The following MEMO1 variants were observed in gnomAD, a reference collection of about 807,000 sequenced individuals.
MEMO1 encodes protein MEMO1.
Under a neutral mutation model 45.2 loss-of-function variants are expected in MEMO1, and 6 were observed. The observed-to-expected ratio is 0.13, with a 90% CI of 0.07 to 0.26. The LOEUF (loss-of-function observed/expected upper bound fraction) is 0.26. Among genes scored for constraint, MEMO1 ranks in the 10% least tolerant of loss-of-function variants. MEMO1 has a pLI of 1.00. For missense variants in MEMO1, 184 were observed against 370.5 expected (o/e 0.50, Z 4.13); for synonymous variants, 78 against 124.3 (o/e 0.63, Z 2.48).
intron 2 of MEMO1, among the ~76,000 whole-genome samples, chr2:31,990,096 G>A (rs941857224): frequency 3.3e-5 from 5 of 152,160 alleles, no homozygotes; most frequent in Non-Finnish European, 5.9e-5. Context: ...CAGCATGGAC[G>A]ACAGAGCAAG....
chr2:31,933,317 TAAAAAAAAAAA>T (rs34487390), intron 3 of MEMO1, among the ~76,000 whole-genome samples: 9 of 24,110 alleles, frequency 3.7e-4, no homozygotes, highest in South Asian at 2.3e-3. Flanking sequence ...ACCACCTCTT[TAAAAAAAAAAA>T]AAAAAAAAAA....
At position 31,869,891 on chromosome 2, in the gene MEMO1, T is replaced by C. The variant is rs753121617; in HGVS notation, c.719A>G (p.His240Arg). ...GGGATGTCTTCCACATATAGTATTA[T>C]GGTATTTCTTCAAGTAATTGCTAAA... The part of the protein sequence containing the change: ...VSFSNYLKKY[H>R]NTICGRHPIG... The change falls in exon 9 of 10, where the codon CAT becomes CGT. Residue 240 changes from histidine to arginine, a missense_variant. Around this residue, in one of 3 missense-constraint regions of MEMO1, gnomAD observed 97 missense variants for 209.3 expected, o/e 0.46. Transcript: ENST00000404530. 8 of 1,591,788 alleles carry C rather than the reference T, an allele frequency of 5.0e-6. No individual in the cohort carries two copies. Among genetic ancestry groups the C allele is most frequent in the African/African-American group, 2.7e-5 (2 of 73,288 alleles).
intron 2 of MEMO1, among the ~76,000 whole-genome samples, chr2:31,992,427 G>A (rs1672056512): frequency 6.6e-6 from 1 of 152,128 alleles, no homozygotes; most frequent in South Asian, 2.1e-4. Flanking sequence ...AACAAAAGTG[G>A]GTTCATATCT....
chr2:31,957,079 T>C (rs566651695), intron 2 of MEMO1, among the ~76,000 whole-genome samples: 4 of 151,346 alleles, frequency 2.6e-5, no homozygotes, highest in Admixed American at 6.6e-5. Context: ...GAGGTGGAGA[T>C]TGCGGTGAAA....
intron 2 of MEMO1, among the ~76,000 whole-genome samples, chr2:31,952,631 T>A (rs1666964878): frequency 6.6e-6 from 1 of 152,322 alleles, no homozygotes; most frequent in African/African-American, 2.4e-5. Flanking sequence ...CTCTGTCAAA[T>A]GCCACTAAAT....
At chr2:31,888,191 T>C (rs1427085536) in intron 7 of MEMO1, among the ~76,000 whole-genome samples, 1 of 152,108 alleles carries the variant, frequency 6.6e-6, no homozygotes, top group African/African-American at 2.4e-5. Context: ...TTTTGTTTAT[T>C]TTTTGTTAGA....
intron 3 of MEMO1, among the ~76,000 whole-genome samples, chr2:31,940,616 C>T (rs1665498414): frequency 6.6e-6 from 1 of 152,184 alleles, no homozygotes; most frequent in African/African-American, 2.4e-5. Flanking sequence ...CAGACCATAG[C>T]TCACTGTAGC....
intron 2 of MEMO1, among the ~76,000 whole-genome samples, chr2:31,951,797 T>C (rs999981824): frequency 6.6e-6 from 1 of 152,208 alleles, no homozygotes; most frequent in African/African-American, 2.4e-5. Context: ...CCCAAAGTGC[T>C]GGGATTTACA....
At chr2:31,884,914 G>C (rs922202662) in intron 7 of MEMO1, among the ~76,000 whole-genome samples, 1 of 151,354 alleles carries the variant, frequency 6.6e-6, no homozygotes, top group Non-Finnish European at 1.5e-5. Flanking sequence ...TTAGCTATGA[G>C]ATCAACTATA....
chr2:31,991,781 C>T (rs546211132), intron 2 of MEMO1, among the ~76,000 whole-genome samples: 8 of 152,176 alleles, frequency 5.3e-5, no homozygotes, highest in Middle Eastern at 3.4e-3. Flanking sequence ...AGCAACTAAA[C>T]GCTCATACTA....
At chr2:31,959,991 G>A (rs1360295482) in intron 2 of MEMO1, among the ~76,000 whole-genome samples, 2 of 152,128 alleles carry the variant, frequency 1.3e-5, no homozygotes, top group Non-Finnish European at 2.9e-5. Context: ...GGAGTCCCAG[G>A]AGGGCGGATC....
chr2:31,973,407 T>A (rs1246051204), intron 2 of MEMO1, among the ~76,000 whole-genome samples: 1 of 151,226 alleles, frequency 6.6e-6, no homozygotes, highest in Non-Finnish European at 1.5e-5. Flanking sequence ...TGAGCCAAGA[T>A]CATGCCACTG....
intron 2 of MEMO1, among the ~76,000 whole-genome samples, chr2:32,007,984 G>C (rs1433555671): frequency 6.6e-6 from 1 of 152,086 alleles, no homozygotes; most frequent in Non-Finnish European, 1.5e-5. Flanking sequence ...TTAATTTTAA[G>C]GTTCTCTGTG....
chr2:31,947,855 A>C (rs1458619823), intron 2 of MEMO1, among the ~76,000 whole-genome samples: 1 of 152,186 alleles, frequency 6.6e-6, no homozygotes, highest in African/African-American at 2.4e-5. Context: ...TTCCCTTGCA[A>C]CTATTAACAG....
chr2:32,007,549 CT>C (rs1336992861), intron 2 of MEMO1, among the ~76,000 whole-genome samples: 1 of 152,042 alleles, frequency 6.6e-6, no homozygotes, highest in African/African-American at 2.4e-5. Flanking sequence ...TGTACACACA[CT>C]TTTTTTCTGA....
At chr2:31,986,340 C>T (rs1023837030) in intron 2 of MEMO1, among the ~76,000 whole-genome samples, 3 of 151,832 alleles carry the variant, frequency 2.0e-5, no homozygotes, top group African/African-American at 2.4e-5. Context: ...GGCGTGGTGG[C>T]GGGGGCTTGT....
intron 7 of MEMO1, among the ~76,000 whole-genome samples, chr2:31,883,670 T>A (rs1364243015): frequency 6.6e-6 from 1 of 152,138 alleles, no homozygotes; most frequent in Non-Finnish European, 1.5e-5. Flanking sequence ...TGTTTTATGA[T>A]GTTAAGAACT....
rs201840822 is a variant in MEMO1, at chr2:31,971,256, C to CT, written c.62-27874dup. ...CACCCAGAAAAATGTAAGCATAAAC[C>CT]TTTTTTTTTGAAAAAGAGTCTTGCT... is the stretch of plus-strand genomic sequence containing the variant. On this transcript the variant is annotated intron_variant, in intron 2 of 9. Coordinates refer to ENST00000404530, the MANE Select transcript of MEMO1 (RefSeq NM_001301833.4). Among the ~76,000 whole-genome samples, 23 of 151,216 alleles carry CT rather than the reference C, an allele frequency of 1.5e-4. No individual in the cohort carries two copies. In the East Asian group the frequency reaches 3.1e-3, roughly 20 times the overall value.
At position 31,980,066 on chromosome 2, in the gene MEMO1, C is replaced by G. The variant is rs186242163; in HGVS notation, c.61+30121G>C. ...TTAACTCAGTTATCTAAAAACAGTA[C>G]TTTTAAATTTAAAAAGAACGGAAAC... On this transcript the variant is annotated intron_variant, in intron 2 of 9. Coordinates refer to ENST00000404530, the MANE Select transcript of MEMO1 (RefSeq NM_001301833.4). Among the ~76,000 whole-genome samples, 8 of 150,304 alleles carry G rather than the reference C, an allele frequency of 5.3e-5. No individual in the cohort carries two copies. In the East Asian group the frequency reaches 1.4e-3, roughly 26 times the overall value.
Sources: allele counts gnomAD v4.1 joint callset (sites outside exome capture counted in the v4.1 genomes callset), GRCh38; gene constraint gnomAD v4.1.1; regional missense constraint gnomAD v4.1.1; transcripts MANE v1.5; gene names NCBI Gene and HGNC (gene_info 2026-07-23, HGNC 2026-07-21).